The following DLG1 variants were observed in gnomAD, a reference collection of about 807,000 sequenced individuals.
The protein encoded by DLG1 is disks large homolog 1.
DLG1 carries 42 observed loss-of-function variants against 123.4 expected under a neutral mutation model. The observed-to-expected ratio is 0.34, with a 90% confidence interval of 0.27 to 0.44. DLG1 has a LOEUF of 0.44. Among genes scored for constraint, DLG1 ranks in the 20% least tolerant of loss-of-function variants. The probability of loss-of-function intolerance (pLI) is 1.00; values close to 1 mark genes in which losing one functional copy is unlikely to be tolerated. For missense variants in DLG1, 942 were observed against 1,082.6 expected (o/e 0.87, Z 1.82); for synonymous variants, 317 against 356.2 (o/e 0.89, Z 1.24).
At chr3:197,142,841 A>G in intron 6 of DLG1, 73 bp from the exon 7 acceptor site, 1 of 1,177,576 alleles carries the variant, frequency 8.5e-7, no homozygotes, top group Non-Finnish European at 1.2e-6. Context: ...AAATTTTTGT[A>G]TGATTTATTA....
At chr3:197,084,169 TCTTA>T (rs1272894484) in intron 16 of DLG1, among the ~76,000 whole-genome samples, 1 of 152,190 alleles carries the variant, frequency 6.6e-6, no homozygotes, top group Admixed American at 6.5e-5. Context: ...ATTTAAGTCC[TCTTA>T]CTTACCTACA....
intron 4 of DLG1, among the ~76,000 whole-genome samples, chr3:197,246,686 G>A (rs1394013043): frequency 4.6e-5 from 7 of 152,174 alleles, no homozygotes; most frequent in Non-Finnish European, 7.4e-5. Context: ...TCTTGTTTGC[G>A]TTAATGAAAA....
At chr3:197,165,755 G>A (rs574736742) in intron 5 of DLG1, among the ~76,000 whole-genome samples, 4 of 152,294 alleles carry the variant, frequency 2.6e-5, no homozygotes, top group African/African-American at 7.2e-5. Context: ...TAAGAAAAGC[G>A]TGGTGGTTTT....
At chr3:197,077,650 T>C (rs955657002) in intron 17 of DLG1, among the ~76,000 whole-genome samples, 3 of 152,136 alleles carry the variant, frequency 2.0e-5, no homozygotes, top group Admixed American at 1.3e-4. Flanking sequence ...AGTTGAGCAG[T>C]TGATTTGATG....
chr3:197,298,003 T>A (rs1339538876), intron 1 of DLG1: 1 of 865,750 alleles, frequency 1.2e-6, no homozygotes, highest in Non-Finnish European at 1.4e-6. Context: ...CCGCGCCGCC[T>A]CCTCGCTCGC....
At position 197,052,441 on chromosome 3, in the gene DLG1, C is replaced by T. The variant is rs146085224; in HGVS notation, c.2484-773G>A. ...CTGCACTCCAGTCTGGGTGACAGAG[C>T]GAGACTCTGTCTCCACAACAACAAA... is the stretch of plus-strand genomic sequence containing the variant. On this transcript the variant is annotated intron_variant, in intron 23 of 24. Coordinates refer to ENST00000667157, the MANE Select transcript of DLG1 (RefSeq NM_001366207.1). Among the ~76,000 whole-genome samples the T allele has an allele frequency of 3.0e-3, 458 of 151,824 alleles. 3 individuals carry two copies. The highest frequency in any genetic ancestry group is 0.01 in the African/African-American group (431 of 41,396).
intron 4 of DLG1, among the ~76,000 whole-genome samples, chr3:197,238,638 C>T (rs1321707982): frequency 2.0e-5 from 3 of 152,140 alleles, no homozygotes; most frequent in Non-Finnish European, 4.4e-5. Flanking sequence ...GAACTATCAT[C>T]TCCAGCTACA....
intron 3 of DLG1, among the ~76,000 whole-genome samples, chr3:197,289,466 A>C (rs1424272331): frequency 6.6e-6 from 1 of 152,220 alleles, no homozygotes. Flanking sequence ...ATCTGATCTC[A>C]AATGTTTTAT....
intron 4 of DLG1, among the ~76,000 whole-genome samples, chr3:197,205,285 A>G (rs1307603926): frequency 6.6e-6 from 1 of 152,184 alleles, no homozygotes; most frequent in Non-Finnish European, 1.5e-5. Flanking sequence ...AATGAGATAA[A>G]GCCCTGAAAC....
intron 16 of DLG1, among the ~76,000 whole-genome samples, chr3:197,083,549 A>C (rs1479174371): frequency 6.6e-6 from 1 of 152,224 alleles, no homozygotes; most frequent in Non-Finnish European, 1.5e-5. Context: ...GAGACACTCA[A>C]CAGCACTTCA....
chr3:197,204,201 C>T (rs1283463575), intron 4 of DLG1, among the ~76,000 whole-genome samples: 1 of 152,194 alleles, frequency 6.6e-6, no homozygotes, highest in Non-Finnish European at 1.5e-5. Flanking sequence ...TCTACTTGTA[C>T]ATTTCAAATG....
chr3:197,149,797 CT>C lies in DLG1; in HGVS notation c.484-2del. The C allele has an allele frequency of 1.3e-6, 2 of 1,576,160 alleles. No homozygotes were observed. Among genetic ancestry groups the C allele is most frequent in the Non-Finnish European group, 1.7e-6 (2 of 1,150,358 alleles). On this transcript the variant is annotated splice_acceptor_variant, in intron 5 of 24. Coordinates refer to ENST00000667157, the MANE Select transcript of DLG1 (RefSeq NM_001366207.1). LOFTEE classifies it high-confidence loss of function. The stretch of plus-strand genomic sequence containing the variant: ...TGACCAGTACTGGGGGAGGATTTGC[CT>C]TTAAGAAGAAATTGTAAATGTGTTA...
In DLG1 at chr3:197,183,569, T is replaced by C. The variant is rs1713871670; in HGVS notation, c.483+10856A>G. 6.5e-7 allele frequency: 1 copy of C among 1,549,494 alleles called. No homozygotes were observed. The highest frequency in any genetic ancestry group is 8.7e-7 in the Non-Finnish European group (1 of 1,146,092). On this transcript the variant is annotated intron_variant, in intron 5 of 24. Coordinates refer to ENST00000667157, the MANE Select transcript of DLG1 (RefSeq NM_001366207.1). ...TTGAAAATAATTTCAACAAGTGGTA[T>C]GTTACCTGGGTGGAGCTGGTGGCTA... is the stretch of plus-strand genomic sequence containing the variant.
chr3:197,093,563 CTTT>C (rs11359811), intron 14 of DLG1, among the ~76,000 whole-genome samples: 9 of 146,394 alleles, frequency 6.1e-5, no homozygotes, highest in African/African-American at 1.0e-4. Flanking sequence ...GTCATCCACG[CTTT>C]TTTTTTTTTT....
chr3:197,072,418 ACTCTCTCC>A (rs1274526924), intron 18 of DLG1, among the ~76,000 whole-genome samples: 1 of 152,030 alleles, frequency 6.6e-6, no homozygotes, highest in Non-Finnish European at 1.5e-5. Context: ...ATTTAGCAGC[ACTCTCTCC>A]GTCATGGGTT....
chr3:197,059,178 G>T (rs1357209895), intron 23 of DLG1, among the ~76,000 whole-genome samples: 1 of 152,150 alleles, frequency 6.6e-6, no homozygotes, highest in Non-Finnish European at 1.5e-5. Context: ...GCCCGCCTCA[G>T]CCTCCCAAAG....
intron 4 of DLG1, among the ~76,000 whole-genome samples, chr3:197,244,755 C>G (rs1380081036): frequency 6.6e-6 from 1 of 151,970 alleles, no homozygotes; most frequent in Non-Finnish European, 1.5e-5. Flanking sequence ...AGATAGGGTC[C>G]TTCCCAAGCT....
At chr3:197,129,044 C>A (rs529326059) in intron 11 of DLG1, among the ~76,000 whole-genome samples, 5 of 152,314 alleles carry the variant, frequency 3.3e-5, no homozygotes, top group Admixed American at 6.5e-5. Context: ...TTGGCTTCAA[C>A]TGAAAATCAC....
intron 3 of DLG1, among the ~76,000 whole-genome samples, chr3:197,294,396 C>G (rs1199550965): frequency 9.9e-6 from 1 of 101,340 alleles, no homozygotes; most frequent in Non-Finnish European, 2.3e-5. Flanking sequence ...CCTGTAATCC[C>G]AACATTTTGG....
Sources: gnomAD v4.1 joint callset for allele counts (sites outside exome capture counted in the v4.1 genomes callset) on GRCh38, gnomAD v4.1.1 for gene constraint, MANE v1.5 for transcripts, NCBI Gene and HGNC (gene_info 2026-07-23, HGNC 2026-07-21) for gene names.